Variants in PATJ observed in about 807,000 individuals in gnomAD.
PATJ encodes the protein PATJ crumbs cell polarity complex component.
PATJ carries 190 observed loss-of-function variants against 224.9 expected under a neutral mutation model. The ratio of observed to expected loss-of-function variants is 0.84; its 90% CI spans 0.75 to 0.95. PATJ has a LOEUF of 0.95. PATJ is among the 40% of genes least tolerant of loss of function. The pLI is 0.00. For missense variants in PATJ, 2,121 were observed against 2,270.3 expected (o/e 0.93, Z 1.34); for synonymous variants, 769 against 820.3 (o/e 0.94, Z 1.07).
chr1:62,100,908 T>A (rs1662077326), intron 33 of PATJ, among the ~76,000 whole-genome samples: 1 of 152,064 alleles, frequency 6.6e-6, no homozygotes. Flanking sequence ...ACAAGAAGGA[T>A]CAATCAACTT....
chr1:62,125,105 C>T (rs941517399), intron 39 of PATJ, among the ~76,000 whole-genome samples: 1 of 151,476 alleles, frequency 6.6e-6, no homozygotes, highest in Non-Finnish European at 1.5e-5. Flanking sequence ...TGGTGCATGC[C>T]TGTGGTTCCA....
At chr1:61,911,341 G>C (rs1435130720) in intron 25 of PATJ, among the ~76,000 whole-genome samples, 1 of 152,192 alleles carries the variant, frequency 6.6e-6, no homozygotes, top group African/African-American at 2.4e-5. Context: ...AGCCTCCTGA[G>C]TAGCTGGGAT....
At chr1:61,905,608 C>T (rs2499004) in intron 24 of PATJ, among the ~76,000 whole-genome samples, 125,336 of 152,218 alleles carry the variant, frequency 0.82, 52,266 homozygotes, top group East Asian at 1. Flanking sequence ...GTAGGATAAA[C>T]ACCCAAGGGT....
At chr1:61,882,302 C>A (rs1668211862) in intron 21 of PATJ, among the ~76,000 whole-genome samples, 1 of 151,994 alleles carries the variant, frequency 6.6e-6, no homozygotes, top group Non-Finnish European at 1.5e-5. Flanking sequence ...AGTAAGCCAG[C>A]CCTGTGTGAA....
intron 11 of PATJ, among the ~76,000 whole-genome samples, chr1:61,799,324 C>G (rs909079347): frequency 5.9e-5 from 9 of 152,166 alleles, no homozygotes; most frequent in African/African-American, 2.2e-4. Flanking sequence ...TCCCCAGTAG[C>G]TGGAATTACA....
At chr1:61,754,212 G>A (rs1032145426) in intron 1 of PATJ, among the ~76,000 whole-genome samples, 11 of 152,168 alleles carry the variant, frequency 7.2e-5, no homozygotes, top group African/African-American at 2.7e-4. Flanking sequence ...GTTTCACCGT[G>A]TTTCAACAAA....
At chr1:61,775,640 A>G (rs1274318862) in intron 7 of PATJ, among the ~76,000 whole-genome samples, 2 of 152,172 alleles carry the variant, frequency 1.3e-5, no homozygotes, top group African/African-American at 2.4e-5. Context: ...CATCTGTATT[A>G]TTCTCCTCTA....
intron 29 of PATJ, among the ~76,000 whole-genome samples, chr1:62,022,093 T>G (rs1014224901): frequency 5.9e-5 from 9 of 152,208 alleles, no homozygotes; most frequent in Non-Finnish European, 1.3e-4. Context: ...GCCACAGGTT[T>G]TAGAGAACGA....
At chr1:62,123,942 G>A (rs1031812058) in intron 39 of PATJ, among the ~76,000 whole-genome samples, 1 of 152,016 alleles carries the variant, frequency 6.6e-6, no homozygotes, top group African/African-American at 2.4e-5. Context: ...CAAAAGCCAA[G>A]CTTGTTATTA....
chr1:61,932,495 T>C (rs997700228), intron 27 of PATJ, among the ~76,000 whole-genome samples: 2 of 152,168 alleles, frequency 1.3e-5, no homozygotes, highest in Non-Finnish European at 1.5e-5. Context: ...TGACCTTCAA[T>C]GGTCAAGGGT....
intron 18 of PATJ, among the ~76,000 whole-genome samples, chr1:61,859,569 C>T (rs1335453827): frequency 6.6e-6 from 1 of 151,998 alleles, no homozygotes; most frequent in African/African-American, 2.4e-5. Flanking sequence ...CTCCCCTTCT[C>T]TCTCTCTCAT....
chr1:61,922,217 A>AT (rs1055032895), intron 26 of PATJ, among the ~76,000 whole-genome samples: 32 of 151,758 alleles, frequency 2.1e-4, no homozygotes, highest in African/African-American at 5.6e-4. Context: ...TAATTTTTTT[A>AT]TTTTTTTAGT....
intron 1 of PATJ, among the ~76,000 whole-genome samples, chr1:61,757,500 T>C (rs926633388): frequency 1.3e-5 from 2 of 151,880 alleles, no homozygotes. Flanking sequence ...AGCCTACCAC[T>C]TTAGCCCTCT....
intron 17 of PATJ, among the ~76,000 whole-genome samples, chr1:61,850,284 A>G (rs1662610919): frequency 6.6e-6 from 1 of 152,224 alleles, no homozygotes; most frequent in Non-Finnish European, 1.5e-5. Flanking sequence ...AAATATTCAT[A>G]TAATACATTT....
At chr1:61,925,883 G>C (rs903843538) in intron 26 of PATJ, among the ~76,000 whole-genome samples, 1 of 152,052 alleles carries the variant, frequency 6.6e-6, no homozygotes, top group African/African-American at 2.4e-5. Flanking sequence ...ATACAAAACT[G>C]GTTAATGTCT....
intron 27 of PATJ, among the ~76,000 whole-genome samples, chr1:61,965,441 T>C (rs1158048012): frequency 5.9e-5 from 9 of 152,230 alleles, no homozygotes; most frequent in Non-Finnish European, 1.0e-4. Context: ...TCTTCTACCT[T>C]CATCTGTACT....
chr1:62,020,483 C>T (rs924747547), intron 29 of PATJ, among the ~76,000 whole-genome samples: 10 of 152,210 alleles, frequency 6.6e-5, no homozygotes, highest in Admixed American at 2.6e-4. Flanking sequence ...AAATAAAACC[C>T]TCCTCCTTCC....
intron 43 of PATJ, among the ~76,000 whole-genome samples, chr1:62,157,075 G>A (rs1176718849): frequency 6.6e-6 from 1 of 152,114 alleles, no homozygotes; most frequent in African/African-American, 2.4e-5. Context: ...TGTAATCCCA[G>A]CACTTTGGGA....
intron 27 of PATJ, among the ~76,000 whole-genome samples, chr1:61,973,915 C>G (rs1403844841): frequency 6.6e-6 from 1 of 151,822 alleles, no homozygotes; most frequent in East Asian, 1.9e-4. Flanking sequence ...TTTCTAAGGA[C>G]TATAAAGGCA....
Sources: gnomAD v4.1 joint callset for allele counts (sites outside exome capture counted in the v4.1 genomes callset) on GRCh38, gnomAD v4.1.1 for gene constraint, MANE v1.5 for transcripts, NCBI Gene and HGNC (gene_info 2026-07-23, HGNC 2026-07-21) for gene names.